The following CTPS2 variants were observed in gnomAD, a reference collection of about 807,000 sequenced individuals.
CTPS2 encodes CTP synthase II.
A neutral mutation model predicts 46.8 loss-of-function variants in CTPS2; 19 were observed. That is an observed-to-expected ratio of 0.41 (90% confidence interval 0.28 to 0.60). The LOEUF (loss-of-function observed/expected upper bound fraction) is 0.60. Ranked by LOEUF, CTPS2 falls within the 20% of genes least tolerant of loss-of-function variation. The pLI, the probability that CTPS2 is intolerant of heterozygous loss-of-function variation, is 0.35. For synonymous variants in CTPS2, 151 were observed against 165.2 expected, an observed-to-expected ratio of 0.91 and a Z score of 0.66; for missense variants, 286 against 447.6, an observed-to-expected ratio of 0.64 and a Z score of 3.26.
At chrX:16,615,280 A>G (rs1004097582) in intron 16 of CTPS2, among the ~76,000 whole-genome samples, 23 of 111,506 alleles carry the variant, frequency 2.1e-4, no homozygotes, top group Admixed American at 1.2e-3. Flanking sequence ...TCAAGGCTGC[A>G]GTAAGCCATG....
chrX:16,677,881 T>C (rs1302968116), intron 10 of CTPS2, among the ~76,000 whole-genome samples: 1 of 111,712 alleles, frequency 9.0e-6, no homozygotes, highest in Non-Finnish European at 1.9e-5. Context: ...TTCTTTAGCA[T>C]GTAACCAAGA....
chrX:16,611,967 C>T (rs1339221569), intron 16 of CTPS2, among the ~76,000 whole-genome samples: 1 of 111,182 alleles, frequency 9.0e-6, no homozygotes, highest in Non-Finnish European at 1.9e-5. Context: ...CATCTAGGGA[C>T]ATCTTTGAAA....
chrX:16,652,076 G>T (rs758747633), intron 13 of CTPS2, among the ~76,000 whole-genome samples: 2 of 111,472 alleles, frequency 1.8e-5, no homozygotes, highest in Non-Finnish European at 3.8e-5. Flanking sequence ...GGAGCTTCTG[G>T]CTAAATTGCC....
chrX:16,658,780 C>G (rs1339672971), intron 13 of CTPS2, among the ~76,000 whole-genome samples: 4 of 112,291 alleles, frequency 3.6e-5, no homozygotes, highest in African/African-American at 1.3e-4. Context: ...GAATCCCTTA[C>G]TATTTCACCA....
intron 4 of CTPS2, among the ~76,000 whole-genome samples, chrX:16,695,867 TAA>T (rs1924091883): frequency 9.1e-6 from 1 of 110,226 alleles, no homozygotes; most frequent in Non-Finnish European, 1.9e-5. Flanking sequence ...AAATTTTTTT[TAA>T]AGACAGAGTC....
At chrX:16,712,747 G>A (rs1003404018), upstream of CTPS2, 2 of 112,748 alleles carry the variant, frequency 1.8e-5, no homozygotes, top group Non-Finnish European at 3.7e-5. Flanking sequence ...CGAGTGCGCG[G>A]GTGAACTCCA....
At chrX:16,706,775 T>C (rs1925045321) in intron 1 of CTPS2, among the ~76,000 whole-genome samples, 1 of 109,768 alleles carries the variant, frequency 9.1e-6, no homozygotes, top group South Asian at 3.9e-4. Flanking sequence ...GCAGGATAAT[T>C]GCTTGAACCT....
rs768756687 is a variant in CTPS2 at position 16,674,792 on chromosome X, T to C, written c.1094+3570A>G. The stretch of plus-strand genomic sequence containing the variant: ...GGCAGAGCTTGCAGTGAGCAGAGAT[T>C]GCGCCACTGCACTCCAGCCTGGGCA... On this transcript the variant is annotated intron_variant, in intron 10 of 18. Coordinates refer to ENST00000359276, the MANE Select transcript of CTPS2 (RefSeq NM_175859.3). Among the ~76,000 whole-genome samples the C allele has an allele frequency of 2.4e-3, 249 of 104,460 alleles. 1 individual carries two copies. The highest frequency in any genetic ancestry group is 8.2e-3 in the African/African-American group (230 of 28,164). The allele number at this position is 104,460 out of a possible 115,157, so 90.7% of individuals were successfully genotyped here. A position where few individuals can be genotyped will look rare whatever the true frequency, so the allele number is the denominator to read the frequency against.
At chrX:16,611,766 G>T (rs58197995) in intron 16 of CTPS2, among the ~76,000 whole-genome samples, 1,380 of 111,266 alleles carry the variant, frequency 0.012, 30 homozygotes, top group African/African-American at 0.042. Context: ...ATCCAGTGTA[G>T]AAATCCTCTA....
At chrX:16,673,175 C>G (rs1325841845) in intron 10 of CTPS2, among the ~76,000 whole-genome samples, 1 of 110,737 alleles carries the variant, frequency 9.0e-6, no homozygotes, top group African/African-American at 3.3e-5. Context: ...CGTGAGCCAC[C>G]GCGCCCGGCC....
chrX:16,684,482 C>A (rs1314589466), intron 8 of CTPS2, among the ~76,000 whole-genome samples: 11 of 97,773 alleles, frequency 1.1e-4, no homozygotes, highest in African/African-American at 4.4e-4. Flanking sequence ...GCACTCCAGC[C>A]TAGGCCACAG....
chrX:16,607,093 G>A (rs1602128366), intron 17 of CTPS2, among the ~76,000 whole-genome samples: 2 of 112,951 alleles, frequency 1.8e-5, no homozygotes, highest in Admixed American at 1.9e-4. Flanking sequence ...TGCGGGAATT[G>A]GCAGGCCATA....
chrX:16,624,140 A>G (rs149953936), intron 14 of CTPS2, among the ~76,000 whole-genome samples: 4,243 of 110,916 alleles, frequency 0.038, 212 homozygotes, highest in African/African-American at 0.13. Context: ...CAGGTACTCA[A>G]TAATGAATTG....
In CTPS2 at chrX:16,667,727, A is replaced by G; in HGVS notation, c.1190-3T>C. The G allele has an allele frequency of 1.7e-6, 2 of 1,205,781 alleles. No homozygotes were observed. The highest frequency in any genetic ancestry group is 2.2e-6 in the Non-Finnish European group (2 of 891,258). On this transcript the variant is annotated splice_region_variant and splice_polypyrimidine_tract_variant and intron_variant, in intron 11 of 18. Transcript: ENST00000359276. The stretch of plus-strand genomic sequence containing the variant: ...TAGTTGCATCCCAAGACAAACTCCT[A>G]TTTTAAAAAGCACATATGCAAAGCA...
At chrX:16,664,385 C>T (rs1225783091) in intron 13 of CTPS2, among the ~76,000 whole-genome samples, 1 of 111,595 alleles carries the variant, frequency 9.0e-6, no homozygotes, top group African/African-American at 3.3e-5. Context: ...GAGCATAAGA[C>T]TTAAAAGTAC....
intron 14 of CTPS2, among the ~76,000 whole-genome samples, chrX:16,625,189 A>G (rs967240805): frequency 1.6e-4 from 18 of 112,619 alleles, no homozygotes; most frequent in African/African-American, 4.5e-4. Context: ...CATCCACACA[A>G]TGGAATATTA....
At chrX:16,709,424 T>A (rs1164493536) in intron 1 of CTPS2, among the ~76,000 whole-genome samples, 1 of 97,263 alleles carries the variant, frequency 1.0e-5, no homozygotes, top group Non-Finnish European at 2.0e-5. Context: ...TAAAACCGTG[T>A]CTCAAAAAAA....
chrX:16,702,248 G>T (rs1924642150), intron 2 of CTPS2, among the ~76,000 whole-genome samples: 1 of 110,790 alleles, frequency 9.0e-6, no homozygotes, highest in South Asian at 3.8e-4. Context: ...TAGAGACAGG[G>T]TTTCACTGTG....
intron 6 of CTPS2, among the ~76,000 whole-genome samples, chrX:16,692,324 C>T (rs759725221): frequency 1.8e-4 from 20 of 110,266 alleles, no homozygotes; most frequent in African/African-American, 5.3e-4. Context: ...AAAATTAGTG[C>T]GCTGTGGTAG....
Sources: gnomAD v4.1 joint callset for allele counts (sites outside exome capture counted in the v4.1 genomes callset) on GRCh38, gnomAD v4.1.1 for gene constraint, MANE v1.5 for transcripts, NCBI Gene and HGNC (gene_info 2026-07-23, HGNC 2026-07-21) for gene names.